FRMD3: variants seen among roughly 807,000 people sequenced by gnomAD.
FRMD3 encodes FERM domain containing 3, also known as FERM domain-containing protein 3.
A neutral mutation model predicts 70.2 loss-of-function variants in FRMD3; 33 were observed. That is an observed-to-expected ratio of 0.47 (90% CI 0.36 to 0.63). The LOEUF is 0.63. Ranked by LOEUF, FRMD3 falls within the 20% of genes least tolerant of loss-of-function variation. The pLI is 0.00. For synonymous variants in FRMD3, 279 were observed against 255.9 expected (o/e 1.09, Z -0.86); for missense variants, 632 against 711.4 (o/e 0.89, Z 1.27).
chr9:83,407,527 T>C (rs1564062335), intron 1 of FRMD3, among the ~76,000 whole-genome samples: 1 of 152,234 alleles, frequency 6.6e-6, no homozygotes, highest in Non-Finnish European at 1.5e-5. Flanking sequence ...GGAGGCTATA[T>C]GTAGCAGAAT....
At chr9:83,571,918 T>A in the FRMD3 span, among the ~76,000 whole-genome samples, 1 of 152,224 alleles carries the variant, frequency 6.6e-6, no homozygotes, top group African/African-American at 2.4e-5. Flanking sequence ...TCAGTATAGA[T>A]CACAATCACC....
At chr9:83,299,590 T>C (rs532763568) in intron 10 of FRMD3, among the ~76,000 whole-genome samples, 1 of 152,334 alleles carries the variant, frequency 6.6e-6, no homozygotes. Flanking sequence ...TAGGGCACTT[T>C]GCTGCCTATT....
intron 1 of FRMD3, among the ~76,000 whole-genome samples, chr9:83,426,146 C>T: frequency 6.6e-6 from 1 of 152,138 alleles, no homozygotes; most frequent in East Asian, 1.9e-4. Context: ...AAACTAACCC[C>T]CAACTCTCAT....
At chr9:83,310,114 T>A (rs1835294150) in intron 9 of FRMD3, among the ~76,000 whole-genome samples, 1 of 152,268 alleles carries the variant, frequency 6.6e-6, no homozygotes, top group African/African-American at 2.4e-5. Flanking sequence ...TAATAGGCTC[T>A]GTTTATAACA....
At chr9:83,325,638 T>G (rs1029465951) in intron 6 of FRMD3, among the ~76,000 whole-genome samples, 1 of 152,212 alleles carries the variant, frequency 6.6e-6, no homozygotes, top group African/African-American at 2.4e-5. Context: ...AAAATTCATT[T>G]AAATTGCAAC....
chr9:83,349,830 A>T, intron 3 of FRMD3, 73 bp from the exon 4 acceptor site: 1 of 1,120,264 alleles, frequency 8.9e-7, no homozygotes, highest in Non-Finnish European at 1.3e-6. Flanking sequence ...CGGGAAAGGC[A>T]GCCGTGCAGC....
At chr9:83,268,017 A>C (rs1833356612) in intron 13 of FRMD3, among the ~76,000 whole-genome samples, 1 of 152,192 alleles carries the variant, frequency 6.6e-6, no homozygotes, top group Admixed American at 6.5e-5. Context: ...GACCACAATC[A>C]CGAAGTTAGT....
intron 1 of FRMD3, among the ~76,000 whole-genome samples, chr9:83,505,390 C>T (rs1309471251): frequency 6.6e-6 from 1 of 152,178 alleles, no homozygotes; most frequent in Middle Eastern, 3.2e-3. Flanking sequence ...TTGGCAAGTC[C>T]TCTAAGATCA....
chr9:83,458,928 A>G (rs1827894962), intron 1 of FRMD3, among the ~76,000 whole-genome samples: 1 of 152,216 alleles, frequency 6.6e-6, no homozygotes, highest in Non-Finnish European at 1.5e-5. Context: ...CTTATGAATT[A>G]ATTACTCATT....
intron 3 of FRMD3, chr9:83,350,693 A>T: frequency 1.1e-6 from 1 of 898,278 alleles, no homozygotes; most frequent in Non-Finnish European, 1.3e-6. Flanking sequence ...AAAGAAAACA[A>T]TTTTATAACT....
intron 1 of FRMD3, among the ~76,000 whole-genome samples, chr9:83,502,778 T>C (rs986842645): frequency 1.3e-5 from 2 of 152,182 alleles, no homozygotes; most frequent in African/African-American, 4.8e-5. Flanking sequence ...TTAATGATCA[T>C]ATATTGATAT....
rs113747021 is a variant in FRMD3 at position 83,388,856 on chromosome 9, A to C, written c.252+748T>G. Among the ~76,000 whole-genome samples the C allele has an allele frequency of 6.7e-3, 1,013 of 151,978 alleles. 10 individuals carry two copies. The highest frequency in any genetic ancestry group is 0.023 in the African/African-American group (970 of 41,466). On this transcript the variant is annotated intron_variant, in intron 2 of 13. Coordinates refer to ENST00000304195, the MANE Select transcript of FRMD3 (RefSeq NM_174938.6). ...CATTTTGGTGGCAACCACCATCAAT[A>C]TGAAGTTTCAAACATGTTCATCCCT...
chr9:83,288,141 G>A lies in FRMD3; in HGVS notation c.1195+2462C>T, dbSNP rs138851693. Among the ~76,000 whole-genome samples, 38 of 152,270 alleles carry A rather than the reference G, an allele frequency of 2.5e-4. No homozygotes were observed. In the East Asian group the frequency reaches 5.6e-3, roughly 22 times the overall value. On this transcript the variant is annotated intron_variant, in intron 13 of 13. Coordinates refer to ENST00000304195, the MANE Select transcript of FRMD3 (RefSeq NM_174938.6). ...CCCAGAAACAAGGCCCATTCACAAA[G>A]ATGAAAACATCTTCTTTGTTTAGAG...
rs1388109369 is a variant in FRMD3, at chr9:83,310,567, T to C, written c.774-19A>G. ...ATCTGGCCTAAGAAAAGAAAATCTC[T>C]GGGTAAGAAGAAAAAAAGTGGCAGC... On this transcript the variant is annotated intron_variant, in intron 8 of 13. Transcript: ENST00000304195. 1.9e-6 allele frequency: 3 copies of C among 1,577,098 alleles called. No individual in the cohort carries two copies. In the Admixed American group the frequency reaches 6.2e-5, roughly 32 times the overall value.
chr9:83,248,263 A>C lies in FRMD3; in HGVS notation c.1449T>G (p.Phe483Leu), dbSNP rs766553221. The change falls in exon 14 of 14, where the codon TTT becomes TTG. Residue 483 changes from phenylalanine to leucine, a missense_variant. Physicochemically the swap from Phe to Leu is conservative, Grantham distance 22 (BLOSUM62 0). Transcript: ENST00000304195. ...CGTTTTCATCTGCTTCCAGATCCTC[A>C]AATGAATCTGTGTCTTCTCTTTCCA... ...LELEREDTDS[F>L]EDLEADENAF... 16 of 1,614,202 alleles carry C rather than the reference A, an allele frequency of 9.9e-6. No homozygotes were observed. Among genetic ancestry groups the C allele is most frequent in the Non-Finnish European group, 1.2e-5 (14 of 1,180,046 alleles).
intron 1 of FRMD3, among the ~76,000 whole-genome samples, chr9:83,514,855 G>T (rs1291340158): frequency 1.3e-5 from 2 of 152,204 alleles, no homozygotes; most frequent in African/African-American, 2.4e-5. Context: ...AACTCCAGCA[G>T]ACCTGCAGAA....
chr9:83,368,568 G>A (rs1267426502), intron 3 of FRMD3, among the ~76,000 whole-genome samples: 1 of 152,124 alleles, frequency 6.6e-6, no homozygotes, highest in African/African-American at 2.4e-5. Flanking sequence ...ATGTAAAAAT[G>A]TATACCAAAT....
chr9:83,436,884 C>T (rs1372907514), intron 1 of FRMD3, among the ~76,000 whole-genome samples: 1 of 151,820 alleles, frequency 6.6e-6, no homozygotes, highest in Admixed American at 6.6e-5. Flanking sequence ...CAGCATACCC[C>T]CTGGAAAGAA....
chr9:83,300,800 G>T (rs186198656), intron 10 of FRMD3, among the ~76,000 whole-genome samples: 1 of 152,056 alleles, frequency 6.6e-6, no homozygotes, highest in Non-Finnish European at 1.5e-5. Flanking sequence ...AAAGATAAGT[G>T]AATGTACAGA....
Sources: allele counts gnomAD v4.1 joint callset (sites outside exome capture counted in the v4.1 genomes callset), GRCh38; gene constraint gnomAD v4.1.1; transcripts MANE v1.5; gene names NCBI Gene and HGNC (gene_info 2026-07-23, HGNC 2026-07-21).